The following COPG1 variants were observed in gnomAD, a reference collection of about 807,000 sequenced individuals.
The protein encoded by COPG1 is coatomer subunit gamma-1.
Under a neutral mutation model 102.8 loss-of-function variants are expected in COPG1, and 29 were observed. The ratio of observed to expected loss-of-function variants is 0.28; its 90% CI spans 0.21 to 0.38. COPG1 has a LOEUF of 0.38. Ranked by LOEUF, COPG1 falls within the 10% of genes least tolerant of loss-of-function variation. The pLI is 1.00. For missense variants in COPG1, 875 were observed against 1,132.7 expected, an observed-to-expected ratio of 0.77 and a Z score of 3.27; for synonymous variants, 406 against 421.6, an observed-to-expected ratio of 0.96 and a Z score of 0.45.
chr3:129,258,365 T>G (rs1939858169), intron 10 of COPG1, among the ~76,000 whole-genome samples: 1 of 152,238 alleles, frequency 6.6e-6, no homozygotes, highest in African/African-American at 2.4e-5. Context: ...GGATGATAGA[T>G]CATGCCTATT....
chr3:129,277,361 G>A lies in COPG1; in HGVS notation c.2562G>A (p.Met854Ile). ...SRLLLLDTVTMQVTARSLEEL... is the reference protein window; with the variant it reads ...SRLLLLDTVTIQVTARSLEEL... ...TGCTGCTTTTGGACACAGTGACAATGCAGGTGACAGCCAGAAGTTTGGAGG... is the reference window on the plus strand; with the variant it reads ...TGCTGCTTTTGGACACAGTGACAATACAGGTGACAGCCAGAAGTTTGGAGG... Residue 854 changes from methionine (M) to isoleucine (I), a missense_variant, in exon 24 of 24, where the codon ATG becomes ATA. Transcript: ENST00000314797. 1 of 1,614,050 alleles carries A rather than the reference G, an allele frequency of 6.2e-7. No homozygotes were observed. Among genetic ancestry groups the A allele is most frequent in the Non-Finnish European group, 8.5e-7 (1 of 1,179,986 alleles).
At chr3:129,256,975 T>C (rs1939822787) in intron 8 of COPG1, among the ~76,000 whole-genome samples, 2 of 152,268 alleles carry the variant, frequency 1.3e-5, no homozygotes, top group Non-Finnish European at 2.9e-5. Context: ...GGCCTAGCTT[T>C]GTCAGTACCA....
At chr3:129,270,658 G>T (rs969898302) in intron 18 of COPG1, among the ~76,000 whole-genome samples, 1 of 152,182 alleles carries the variant, frequency 6.6e-6, no homozygotes, top group Non-Finnish European at 1.5e-5. Context: ...GAGGGCTGAA[G>T]TGGTCACATA....
At chr3:129,251,774 G>A (rs1057347870) in intron 2 of COPG1, among the ~76,000 whole-genome samples, 21 of 151,870 alleles carry the variant, frequency 1.4e-4, no homozygotes, top group East Asian at 3.9e-4. Context: ...TGCAACCTCC[G>A]CCTCCTGGGT....
chr3:129,267,347 C>A, intron 15 of COPG1: 1 of 334,170 alleles, frequency 3.0e-6, no homozygotes, highest in Non-Finnish European at 5.6e-6. Context: ...TGAAGCCGGG[C>A]ATAGTGGCTC....
intron 8 of COPG1, among the ~76,000 whole-genome samples, chr3:129,257,038 T>G (rs999118130): frequency 3.9e-5 from 6 of 152,208 alleles, no homozygotes; most frequent in African/African-American, 1.4e-4. Flanking sequence ...CCTTCAGGGT[T>G]GTTGTGGGTA....
chr3:129,270,524 C>G (rs1940163584), intron 18 of COPG1, among the ~76,000 whole-genome samples: 1 of 152,094 alleles, frequency 6.6e-6, no homozygotes, highest in Non-Finnish European at 1.5e-5. Context: ...AAATAAATAT[C>G]AATAGAAAAG....
At chr3:129,274,244 A>G (rs946775809) in intron 21 of COPG1, 5 of 376,824 alleles carry the variant, frequency 1.3e-5, no homozygotes, top group Non-Finnish European at 2.6e-5. Flanking sequence ...CACTGTAAAC[A>G]TCCACAGGAG....
At position 129,263,908 on chromosome 3, in the gene COPG1, T is replaced by C; in HGVS notation, c.1133T>C (p.Val378Ala). 1 of 1,614,036 alleles carries C rather than the reference T, an allele frequency of 6.2e-7. No individual in the cohort carries two copies. Among genetic ancestry groups the C allele is most frequent in the Non-Finnish European group, 8.5e-7 (1 of 1,179,912 alleles). ...ATGCACGTCTATTTCATTTAGGTGG[T>C]GGTTGTCCAGGCCATCAGTGCCCTG... ...MSEISDEFKV[V>A]VVQAISALCQ... The change falls in exon 13 of 24, where the codon GTG becomes GCG. Residue 378 changes from valine (V) to alanine (A), a missense_variant. By Grantham distance (64) the Val-to-Ala change is moderately conservative. Transcript: ENST00000314797.
chr3:129,266,349 G>C (rs1004095287), intron 14 of COPG1, among the ~76,000 whole-genome samples: 2 of 151,616 alleles, frequency 1.3e-5, no homozygotes, highest in African/African-American at 4.8e-5. Flanking sequence ...GGCTGGTCAC[G>C]AACTCCTGGG....
At position 129,271,634 on chromosome 3, in the gene COPG1, A is replaced by T; in HGVS notation, c.1844-133A>T. On this transcript the variant is annotated intron_variant, in intron 18 of 23. Coordinates refer to ENST00000314797, the MANE Select transcript of COPG1 (RefSeq NM_016128.4). This position sits in a 1 kb window ranked among gnomAD's most constrained non-coding sequence, Gnocchi z 4.7. ...TATATTCAGGAAATAATGAGTAGCCAGTTGGGTAAACATATCTATCCATCT... is the reference window on the plus strand; with the variant it reads ...TATATTCAGGAAATAATGAGTAGCCTGTTGGGTAAACATATCTATCCATCT... 6.6e-6 allele frequency: 7 copies of T among 1,058,260 alleles called. No individual in the cohort carries two copies. Among genetic ancestry groups the T allele is most frequent in the Non-Finnish European group, 9.6e-6 (7 of 727,350 alleles). The allele number at this position is 1,058,260 out of a possible 1,614,324, so 65.6% of individuals were successfully genotyped here. A position where few individuals can be genotyped will look rare whatever the true frequency, so the allele number is the denominator to read the frequency against.
intron 21 of COPG1, 145 bp from the exon 22 acceptor site, chr3:129,274,693 C>T: frequency 1.1e-6 from 1 of 898,884 alleles, no homozygotes; most frequent in South Asian, 1.8e-5. Context: ...GGTCAAGTTG[C>T]TCTATGTCCC....
chr3:129,251,182 C>A (rs1424537737), intron 2 of COPG1, among the ~76,000 whole-genome samples: 2 of 151,258 alleles, frequency 1.3e-5, no homozygotes, highest in Non-Finnish European at 2.9e-5. Context: ...CTCGGCCTCC[C>A]AAAGTGCTGG....
intron 10 of COPG1, among the ~76,000 whole-genome samples, chr3:129,259,371 G>C (rs1256207619): frequency 6.7e-6 from 1 of 149,808 alleles, no homozygotes; most frequent in African/African-American, 2.5e-5. Context: ...TGAGGCAGGA[G>C]AATCACTTGA....
intron 15 of COPG1, 72 bp from the exon 16 acceptor site, chr3:129,267,865 T>A: frequency 8.3e-7 from 1 of 1,202,206 alleles, no homozygotes; most frequent in Non-Finnish European, 1.2e-6. Context: ...TTACCTCTAA[T>A]GAAGCCATGC....
At chr3:129,266,937 C>A in intron 14 of COPG1, 87 bp from the exon 15 acceptor site, 1 of 1,174,428 alleles carries the variant, frequency 8.5e-7, no homozygotes, top group Non-Finnish European at 1.3e-6. Context: ...GCTCTTCTGC[C>A]TGAAGACCCA....
chr3:129,256,150 T>A lies in COPG1; in HGVS notation c.575T>A (p.Val192Asp), dbSNP rs1939804312. The A allele has an allele frequency of 6.2e-7, 1 of 1,613,342 alleles. No individual in the cohort carries two copies. The highest frequency in any genetic ancestry group is 1.7e-5 in the Admixed American group (1 of 60,002). Residue 192 changes from valine to aspartate, a missense_variant, in exon 8 of 24, where the codon GTC becomes GAC. Val to Asp is a radical substitution (Grantham distance 152). Coordinates refer to ENST00000314797, the MANE Select transcript of COPG1 (RefSeq NM_016128.4). The part of the protein sequence containing the change: ...QEAASSDNIM[V>D]QYHALGLLYH... ...GCAGCATCCAGTGATAACATCATGG[T>A]CCAGGTGAGATGTGAGCAAGGGAGT...
chr3:129,254,824 C>T, intron 6 of COPG1, 81 bp downstream of exon 6: 1 of 1,366,158 alleles, frequency 7.3e-7, no homozygotes. Context: ...TTGGGGTGTC[C>T]CCTATCACTG....
In COPG1 at chr3:129,271,640, G is replaced by A. The variant is rs1184285706; in HGVS notation, c.1844-127G>A. ...CAGGAAATAATGAGTAGCCAGTTGG[G>A]TAAACATATCTATCCATCTAAGGTA... On this transcript the variant is annotated intron_variant, in intron 18 of 23. Transcript: ENST00000314797. This position sits in a 1 kb window ranked among gnomAD's most constrained non-coding sequence, Gnocchi z 4.7. 2 of 1,144,724 alleles carry A rather than the reference G, an allele frequency of 1.7e-6. No homozygotes were observed. The highest frequency in any genetic ancestry group is 1.5e-5 in the African/African-American group (1 of 64,726). The allele number at this position is 1,144,724 out of a possible 1,614,324, so 70.9% of individuals were successfully genotyped here. A position where few individuals can be genotyped will look rare whatever the true frequency, so the allele number is the denominator to read the frequency against.
Sources: allele counts gnomAD v4.1 joint callset (sites outside exome capture counted in the v4.1 genomes callset), GRCh38; gene constraint gnomAD v4.1.1; non-coding constraint Gnocchi (gnomAD v3.1); transcripts MANE v1.5; gene names NCBI Gene and HGNC (gene_info 2026-07-23, HGNC 2026-07-21).